Variants in SP140 observed in about 807,000 individuals in gnomAD.
The protein encoded by SP140 is nuclear body protein SP140.
In SP140, 81 loss-of-function variants were observed where a neutral mutation model predicts 125.0. That is an observed-to-expected ratio of 0.65 (90% CI 0.54 to 0.78). SP140 has a LOEUF of 0.78. Among genes scored for constraint, SP140 ranks in the 30% least tolerant of loss-of-function variants. The pLI, the probability that SP140 is intolerant of heterozygous loss-of-function variation, is 0.00. For synonymous variants in SP140, 312 were observed against 354.0 expected, an observed-to-expected ratio of 0.88 and a Z score of 1.33; for missense variants, 858 against 1,037.0, an observed-to-expected ratio of 0.83 and a Z score of 2.37.
chr2:230,261,366 G>C (rs2052203980), intron 12 of SP140, among the ~76,000 whole-genome samples: 1 of 152,082 alleles, frequency 6.6e-6, no homozygotes, highest in African/African-American at 2.4e-5. Flanking sequence ...AGTCCTTAGG[G>C]TTTTCAAGGT....
chr2:230,282,376 G>A (rs1200911761), intron 15 of SP140, among the ~76,000 whole-genome samples: 1 of 152,102 alleles, frequency 6.6e-6, no homozygotes, highest in African/African-American at 2.4e-5. Context: ...ATGGAGAATG[G>A]CCTCCCAGCA....
intron 1 of SP140, chr2:230,212,937 G>T (rs768753285): frequency 1.2e-6 from 2 of 1,614,040 alleles, no homozygotes; most frequent in Admixed American, 1.7e-5. Flanking sequence ...CAGCGCCAGT[G>T]GGGTATGGAG....
At chr2:230,216,941 G>A (rs1340296330) in intron 3 of SP140, 1 of 1,611,852 alleles carries the variant, frequency 6.2e-7, no homozygotes, top group South Asian at 1.1e-5. Flanking sequence ...ATGGAAAGAG[G>A]CATGATAAAA....
chr2:230,308,104 TG>T (rs2058990158), intron 22 of SP140, among the ~76,000 whole-genome samples: 1 of 151,040 alleles, frequency 6.6e-6, no homozygotes, highest in South Asian at 2.1e-4. Context: ...TGGATGGAGT[TG>T]GAGACCATTA....
chr2:230,306,746 T>C, intron 22 of SP140, among the ~76,000 whole-genome samples: 1 of 152,130 alleles, frequency 6.6e-6, no homozygotes, highest in Admixed American at 6.5e-5. Flanking sequence ...CTGACGATCA[T>C]AGGAGAGAGG....
At chr2:230,191,218 A>G in the SP140 span, among the ~76,000 whole-genome samples, 2 of 152,214 alleles carry the variant, frequency 1.3e-5, no homozygotes, top group African/African-American at 4.8e-5. Flanking sequence ...CCCTAACATC[A>G]CAATTAAAAG....
chr2:230,208,019 C>T, intron 1 of SP140: 1 of 1,567,864 alleles, frequency 6.4e-7, no homozygotes, highest in African/African-American at 1.4e-5. Context: ...TCTTATGTCT[C>T]CTTTTTGGAG....
intron 3 of SP140, among the ~76,000 whole-genome samples, chr2:230,240,880 T>C (rs1453594585): frequency 6.6e-6 from 1 of 152,192 alleles, no homozygotes; most frequent in African/African-American, 2.4e-5. Context: ...TTATTCATAA[T>C]AACTAAAATC....
chr2:230,287,885 T>G lies in SP140; in HGVS notation c.1646-7T>G, dbSNP rs2056593891. ...ATGACTGTGATTATATTATTCTACT[T>G]TCTCAGGGAGAAAGAGAGGCAAACC... On this transcript the variant is annotated splice_polypyrimidine_tract_variant and splice_region_variant and intron_variant, in intron 17 of 26. Coordinates refer to ENST00000392045, the MANE Select transcript of SP140 (RefSeq NM_007237.5). The G allele has an allele frequency of 1.2e-6, 2 of 1,607,582 alleles. No homozygotes were observed. Among genetic ancestry groups the G allele is most frequent in the Non-Finnish European group, 1.7e-6 (2 of 1,176,980 alleles).
At chr2:230,215,311 T>A (rs1574779991) in intron 3 of SP140, among the ~76,000 whole-genome samples, 1 of 152,202 alleles carries the variant, frequency 6.6e-6, no homozygotes, top group Non-Finnish European at 1.5e-5. Context: ...TTTACACATA[T>A]TTGGATGACT....
At chr2:230,209,658 C>T (rs750582098) in intron 1 of SP140, among the ~76,000 whole-genome samples, 1 of 152,182 alleles carries the variant, frequency 6.6e-6, no homozygotes. Flanking sequence ...GTGCAATTAA[C>T]ACTCTAAGAA....
intron 3 of SP140, among the ~76,000 whole-genome samples, chr2:230,239,965 C>T (rs2048492065): frequency 6.6e-6 from 1 of 152,142 alleles, no homozygotes; most frequent in South Asian, 2.1e-4. Flanking sequence ...CCTCCTGGCC[C>T]CAGCATCCAC....
intron 3 of SP140, among the ~76,000 whole-genome samples, chr2:230,239,269 G>C (rs1320139387): frequency 6.6e-6 from 1 of 152,170 alleles, no homozygotes; most frequent in Non-Finnish European, 1.5e-5. Context: ...ACCACTCTCA[G>C]TCCTGAATGC....
chr2:230,240,555 A>T (rs4973303), intron 3 of SP140, among the ~76,000 whole-genome samples: 93,546 of 150,676 alleles, frequency 0.62, 29,042 homozygotes, highest in Middle Eastern at 0.67. Flanking sequence ...CAGCAAGAAT[A>T]TAAAGTGTAT....
chr2:230,261,342 G>A (rs2052202847), intron 12 of SP140, among the ~76,000 whole-genome samples: 1 of 152,088 alleles, frequency 6.6e-6, no homozygotes, highest in South Asian at 2.1e-4. Flanking sequence ...TCAGTTCTAG[G>A]AGCTTTCTGG....
chr2:230,273,691 C>T (rs2054271176), intron 15 of SP140, among the ~76,000 whole-genome samples: 1 of 152,156 alleles, frequency 6.6e-6, no homozygotes, highest in Admixed American at 6.5e-5. Flanking sequence ...GACATGGAAT[C>T]AACCTAAATG....
Position 230,302,885 on chromosome 2 carries a change from A to C in SP140, c.2058+5423A>C, listed in dbSNP as rs2058420377. On this transcript the variant is annotated intron_variant, in intron 22 of 26. Coordinates refer to ENST00000392045, the MANE Select transcript of SP140 (RefSeq NM_007237.5). ...AACGACAATAATGACACAAGCTATC[A>C]AAACCTCTGGGATACAGGAAAAGCA... Among the ~76,000 whole-genome samples, 2 of 152,194 alleles carry C rather than the reference A, an allele frequency of 1.3e-5. 1 individual carries two copies. Among genetic ancestry groups the C allele is most frequent in the Non-Finnish European group, 2.9e-5 (2 of 68,010 alleles).
chr2:230,290,304 T>A (rs2056965745), intron 18 of SP140, among the ~76,000 whole-genome samples, 156 bp from the exon 19 acceptor site: 1 of 152,184 alleles, frequency 6.6e-6, no homozygotes, highest in Admixed American at 6.5e-5. Flanking sequence ...TAATTATGTA[T>A]CAAAAATGCC....
intron 3 of SP140, chr2:230,219,952 G>A (rs2045658898): frequency 1.0e-6 from 1 of 985,616 alleles, no homozygotes; most frequent in South Asian, 4.7e-5. Context: ...GAGAGTTACA[G>A]GGAGATGCTA....
Sources: gnomAD v4.1 joint callset for allele counts (sites outside exome capture counted in the v4.1 genomes callset) on GRCh38, gnomAD v4.1.1 for gene constraint, MANE v1.5 for transcripts, NCBI Gene and HGNC (gene_info 2026-07-23, HGNC 2026-07-21) for gene names.